Variants in TMEM117 observed in about 807,000 individuals in gnomAD.
TMEM117 encodes the protein transmembrane protein 117.
TMEM117 carries 27 observed loss-of-function variants against 52.4 expected under a neutral mutation model. That is an observed-to-expected ratio of 0.51 (90% CI 0.38 to 0.71). The LOEUF (loss-of-function observed/expected upper bound fraction) is 0.71. TMEM117 is among the 30% of genes least tolerant of loss of function. The probability of loss-of-function intolerance (pLI) is 0.00; values close to 1 mark genes in which losing one functional copy is unlikely to be tolerated. For missense variants in TMEM117, 556 were observed against 630.5 expected (o/e 0.88, Z 1.26); for synonymous variants, 215 against 206.3 (o/e 1.04, Z -0.36).
intron 3 of TMEM117, among the ~76,000 whole-genome samples, chr12:44,122,610 G>C (rs1238312136): frequency 6.6e-6 from 1 of 152,058 alleles, no homozygotes; most frequent in African/African-American, 2.4e-5. Context: ...TCCCTGCCAT[G>C]TGTCCATGCA....
At chr12:44,310,469 T>C (rs1040050337) in intron 6 of TMEM117, among the ~76,000 whole-genome samples, 1 of 152,152 alleles carries the variant, frequency 6.6e-6, no homozygotes, top group Non-Finnish European at 1.5e-5. Flanking sequence ...AGAAACCCCA[T>C]CTCTACTAAA....
intron 2 of TMEM117, among the ~76,000 whole-genome samples, chr12:43,938,417 C>T (rs1383620980): frequency 2.0e-5 from 3 of 151,730 alleles, no homozygotes; most frequent in Non-Finnish European, 2.9e-5. Context: ...AGGGCAAAAG[C>T]GTTATCTTTT....
intron 5 of TMEM117, among the ~76,000 whole-genome samples, chr12:44,297,210 G>A (rs1448142223): frequency 6.6e-6 from 1 of 152,104 alleles, no homozygotes; most frequent in Admixed American, 6.5e-5. Context: ...CTAAAAATGT[G>A]CCTCTGAATA....
the TMEM117 span, among the ~76,000 whole-genome samples, chr12:43,819,784 GAGAA>G: frequency 1.3e-5 from 2 of 151,794 alleles, no homozygotes; most frequent in African/African-American, 2.4e-5. Context: ...AAAAAAAAGA[GAGAA>G]AGAGAGAGAG....
intron 6 of TMEM117, among the ~76,000 whole-genome samples, chr12:44,302,475 C>A (rs1465017859): frequency 6.6e-6 from 1 of 152,224 alleles, no homozygotes; most frequent in Non-Finnish European, 1.5e-5. Flanking sequence ...TCATTTGGAT[C>A]CTACCATTGG....
intron 2 of TMEM117, among the ~76,000 whole-genome samples, chr12:43,915,089 T>C (rs904379797): frequency 7.2e-5 from 11 of 152,304 alleles, no homozygotes; most frequent in Admixed American, 5.9e-4. Flanking sequence ...TGCGATTTCT[T>C]CTTTGCTTCC....
intron 7 of TMEM117, among the ~76,000 whole-genome samples, chr12:44,384,208 T>C (rs536910445): frequency 6.6e-6 from 1 of 152,208 alleles, no homozygotes; most frequent in East Asian, 1.9e-4. Flanking sequence ...ATCCTTCCTC[T>C]GTAAACAGAT....
intron 4 of TMEM117, among the ~76,000 whole-genome samples, chr12:44,163,083 G>T (rs963720613): frequency 2.6e-5 from 4 of 152,208 alleles, no homozygotes; most frequent in African/African-American, 4.8e-5. Context: ...AAGAAATTGA[G>T]CTAGAAAACT....
At chr12:44,324,108 A>T (rs1951167465) in intron 6 of TMEM117, among the ~76,000 whole-genome samples, 1 of 152,128 alleles carries the variant, frequency 6.6e-6, no homozygotes, top group African/African-American at 2.4e-5. Context: ...ATCTTGAGGT[A>T]GAACCTGCCC....
intron 6 of TMEM117, among the ~76,000 whole-genome samples, chr12:44,344,772 A>G (rs1219737021): frequency 1.3e-5 from 2 of 152,074 alleles, no homozygotes; most frequent in African/African-American, 4.8e-5. Context: ...GTCCAGTCAC[A>G]TAGTTACATG....
chr12:43,932,278 AT>A (rs1944883119), intron 2 of TMEM117, among the ~76,000 whole-genome samples: 1 of 151,092 alleles, frequency 6.6e-6, no homozygotes, highest in South Asian at 2.1e-4. Context: ...AATAACTTAT[AT>A]TTTTAATAAA....
At chr12:44,108,013 T>C (rs893121642) in intron 3 of TMEM117, among the ~76,000 whole-genome samples, 1 of 152,096 alleles carries the variant, frequency 6.6e-6, no homozygotes, top group Non-Finnish European at 1.5e-5. Context: ...TCTGTAACTT[T>C]GTTTGCTTAT....
intron 4 of TMEM117, among the ~76,000 whole-genome samples, chr12:44,154,117 A>G (rs1164008836): frequency 3.9e-5 from 6 of 152,038 alleles, no homozygotes; most frequent in Non-Finnish European, 7.4e-5. Context: ...TAGTCTACCA[A>G]ATTGCTCAGT....
In TMEM117 at chr12:44,048,174, A is replaced by G. The variant is rs185731809; in HGVS notation, c.411-95351A>G. On this transcript the variant is annotated intron_variant, in intron 3 of 7. Transcript: ENST00000266534. Reference sequence around the variant, plus strand: ...TTATCACACGTTACAGTACACTCTTATAGTTAGAGATTTTGTAGTGATGTC... The same window carrying G: ...TTATCACACGTTACAGTACACTCTTGTAGTTAGAGATTTTGTAGTGATGTC... Among the ~76,000 whole-genome samples the G allele has an allele frequency of 2.8e-4, 42 of 152,276 alleles. 1 individual carries two copies. The Middle Eastern group carries it at 0.017, about 62-fold the overall frequency.
intron 3 of TMEM117, among the ~76,000 whole-genome samples, chr12:44,131,395 A>G (rs1453401540): frequency 2.0e-5 from 3 of 152,096 alleles, no homozygotes; most frequent in East Asian, 3.8e-4. Flanking sequence ...AGACTTGTTT[A>G]TGGCCCTGCT....
chr12:44,001,045 G>C (rs1946109047), intron 3 of TMEM117, among the ~76,000 whole-genome samples: 1 of 152,128 alleles, frequency 6.6e-6, no homozygotes, highest in Non-Finnish European at 1.5e-5. Flanking sequence ...TGCTCATGGA[G>C]ACCCAGAGGT....
the TMEM117 span, among the ~76,000 whole-genome samples, chr12:43,823,122 T>C: frequency 1.3e-5 from 2 of 152,176 alleles, no homozygotes; most frequent in South Asian, 4.1e-4. Context: ...TTTGAGGACA[T>C]TTATTAGGCC....
chr12:44,388,147 A>G lies in TMEM117; in HGVS notation c.1020A>G (p.Ile340Met), dbSNP rs759276331. 1 of 1,613,334 alleles carries G rather than the reference A, an allele frequency of 6.2e-7. No homozygotes were observed. The highest frequency in any genetic ancestry group is 1.7e-5 in the Admixed American group (1 of 59,878). ...YGQYIGPGQK[I>M]YTVKDSESLK... The stretch of plus-strand genomic sequence containing the variant: ...AATATATCGGCCCGGGGCAGAAGAT[A>G]TATACAGTGAAAGACTCAGAAAGTT... Residue 340 changes from isoleucine (I) to methionine (M), a missense_variant, in exon 8 of 8, where the codon ATA becomes ATG. This residue lies in a region of TMEM117 where 206 missense variants were observed against 211.1 expected (regional missense o/e 0.98). Coordinates refer to ENST00000266534, the MANE Select transcript of TMEM117 (RefSeq NM_032256.3).
intron 4 of TMEM117, among the ~76,000 whole-genome samples, chr12:44,168,637 T>A (rs1949002664): frequency 6.6e-6 from 1 of 152,230 alleles, no homozygotes; most frequent in South Asian, 2.1e-4. Flanking sequence ...TTTTTCATGT[T>A]ATTTTCTTGA....
Sources: allele counts gnomAD v4.1 joint callset (sites outside exome capture counted in the v4.1 genomes callset), GRCh38; gene constraint gnomAD v4.1.1; regional missense constraint gnomAD v4.1.1; transcripts MANE v1.5; gene names NCBI Gene and HGNC (gene_info 2026-07-23, HGNC 2026-07-21).